SH3PXD2B: variants seen among roughly 807,000 people sequenced by gnomAD.
The protein encoded by SH3PXD2B is SH3 and PX domain-containing protein 2B.
SH3PXD2B carries 37 observed loss-of-function variants against 73.1 expected under a neutral mutation model. The ratio of observed to expected loss-of-function variants is 0.51; its 90% CI spans 0.39 to 0.67. The LOEUF is 0.67. Ranked by LOEUF, SH3PXD2B falls within the 30% of genes least tolerant of loss-of-function variation. The pLI, the probability that SH3PXD2B is intolerant of heterozygous loss-of-function variation, is 0.00. For missense variants in SH3PXD2B, 1,053 were observed against 1,197.8 expected, an observed-to-expected ratio of 0.88 and a Z score of 1.78; for synonymous variants, 457 against 480.5, an observed-to-expected ratio of 0.95 and a Z score of 0.64.
Position 172,350,693 on chromosome 5 carries a change from G to A in SH3PXD2B, c.786-104C>T, listed in dbSNP as rs543372673. On this transcript the variant is annotated intron_variant, in intron 9 of 12. Coordinates refer to ENST00000311601, the MANE Select transcript of SH3PXD2B (RefSeq NM_001017995.3). Reference sequence around the variant, plus strand: ...ATGACAGGTCCCAGGGAGCAGGAACGACGGGTTGTGACTGCCCAGGGCAAG... The same window carrying A: ...ATGACAGGTCCCAGGGAGCAGGAACAACGGGTTGTGACTGCCCAGGGCAAG... The A allele has an allele frequency of 1.3e-4, 140 of 1,087,544 alleles. No homozygotes were observed. The African/African-American group carries it at 1.5e-3, about 11-fold the overall frequency. The allele number at this position is 1,087,544 out of a possible 1,614,324, so 67.4% of individuals were successfully genotyped here. A position where few individuals can be genotyped will look rare whatever the true frequency, so the allele number is the denominator to read the frequency against.
chr5:172,454,291 G>A lies in SH3PXD2B; in HGVS notation c.62C>T (p.Pro21Leu). 1 of 1,595,882 alleles carries A rather than the reference G, an allele frequency of 6.3e-7. No individual in the cohort carries two copies. Among genetic ancestry groups the A allele is most frequent in the South Asian group, 1.1e-5 (1 of 89,964 alleles). Residue 21 changes from proline (P) to leucine (L), a missense_variant, in exon 1 of 13, where the codon CCC becomes CTC. Coordinates refer to ENST00000311601, the MANE Select transcript of SH3PXD2B (RefSeq NM_001017995.3). ...KVLDVQKRRV[P>L]NKHYVYIIRV... ...CGCCGCACTCACATAATGCTTGTTGGGCACCCGCCGCTTCTGCACGTCTAG... is the reference window on the plus strand; with the variant it reads ...CGCCGCACTCACATAATGCTTGTTGAGCACCCGCCGCTTCTGCACGTCTAG...
At chr5:172,409,879 C>T (rs1382765609) in intron 2 of SH3PXD2B, among the ~76,000 whole-genome samples, 1 of 152,122 alleles carries the variant, frequency 6.6e-6, no homozygotes, top group East Asian at 1.9e-4. Flanking sequence ...CCACACCTGG[C>T]TAATTTTTGT....
chr5:172,343,522 C>T (rs569424689), intron 12 of SH3PXD2B, among the ~76,000 whole-genome samples: 4 of 152,228 alleles, frequency 2.6e-5, no homozygotes, highest in East Asian at 1.9e-4. Context: ...GATCAGAAGC[C>T]GGGTGCGGTG....
At chr5:172,376,158 T>G (rs969565490) in intron 5 of SH3PXD2B, among the ~76,000 whole-genome samples, 1 of 151,998 alleles carries the variant, frequency 6.6e-6, no homozygotes, top group Non-Finnish European at 1.5e-5. Flanking sequence ...GCCTCCCATG[T>G]AGCTGGGATT....
chr5:172,364,827 T>C (rs537612841), intron 6 of SH3PXD2B, among the ~76,000 whole-genome samples: 1 of 152,098 alleles, frequency 6.6e-6, no homozygotes, highest in Non-Finnish European at 1.5e-5. Context: ...GGTGGGAGTA[T>C]TTACACCACA....
intron 2 of SH3PXD2B, among the ~76,000 whole-genome samples, chr5:172,408,175 T>C (rs933948427): frequency 1.3e-5 from 2 of 152,158 alleles, no homozygotes; most frequent in Non-Finnish European, 2.9e-5. Flanking sequence ...CTCTCTTTTT[T>C]CCCTTGGTCG....
At position 172,339,363 on chromosome 5, in the gene SH3PXD2B, T is replaced by C. The variant is rs753133269; in HGVS notation, c.1742A>G (p.Lys581Arg). Residue 581 changes from lysine (K) to arginine (R), a missense_variant, in exon 13 of 13, where the codon AAA (lysine) becomes AGA (arginine). By Grantham distance (26) the Lys-to-Arg change is conservative. Transcript: ENST00000311601. This position sits in a 1 kb window ranked among gnomAD's most constrained non-coding sequence, Gnocchi z 6.1. ...CTGGAACAGTCTGCTTTTGTCAGGTTTGGGCTCTGGCCTCCTGCTGTCCCG... is the reference window on the plus strand; with the variant it reads ...CTGGAACAGTCTGCTTTTGTCAGGTCTGGGCTCTGGCCTCCTGCTGTCCCG... Reference protein sequence around the residue: ...PARDSRRPEPKPDKSRLFQLK... With the variant: ...PARDSRRPEPRPDKSRLFQLK... The C allele has an allele frequency of 1.5e-5, 24 of 1,614,078 alleles. No individual in the cohort carries two copies. The highest frequency in any genetic ancestry group is 1.9e-5 in the Non-Finnish European group (23 of 1,180,038).
chr5:172,450,069 C>T (rs10051276), intron 1 of SH3PXD2B, among the ~76,000 whole-genome samples: 4,932 of 152,110 alleles, frequency 0.032, 262 homozygotes, highest in African/African-American at 0.1. Flanking sequence ...GGATTGATGG[C>T]AAATGGGCGT....
At chr5:172,355,004 A>G (rs925653231) in intron 8 of SH3PXD2B, among the ~76,000 whole-genome samples, 11 of 152,054 alleles carry the variant, frequency 7.2e-5, no homozygotes, top group Non-Finnish European at 1.6e-4. Context: ...TCCCACCCCC[A>G]GTGTTATCTG....
At chr5:172,413,014 T>C (rs1758736995) in intron 2 of SH3PXD2B, among the ~76,000 whole-genome samples, 1 of 152,242 alleles carries the variant, frequency 6.6e-6, no homozygotes, top group Admixed American at 6.5e-5. Flanking sequence ...CGAGACACGC[T>C]GTCCAAAGAA....
chr5:172,440,762 T>A (rs1276406654), intron 1 of SH3PXD2B, among the ~76,000 whole-genome samples: 1 of 151,980 alleles, frequency 6.6e-6, no homozygotes, highest in Non-Finnish European at 1.5e-5. Context: ...GGAAACCAAG[T>A]CTCAAGACAG....
intron 6 of SH3PXD2B, among the ~76,000 whole-genome samples, chr5:172,368,074 C>A (rs1248980769): frequency 6.6e-6 from 1 of 152,128 alleles, no homozygotes; most frequent in Admixed American, 6.5e-5. Context: ...CCAGTAGCAT[C>A]CTTGCCAGTC....
At chr5:172,329,545 T>TA (rs1422887005), downstream of SH3PXD2B, among the ~76,000 whole-genome samples, 1 of 134,382 alleles carries the variant, frequency 7.4e-6, no homozygotes, top group East Asian at 2.2e-4. Flanking sequence ...TTATTCTTTT[T>TA]TTTTTTTTTT....
At chr5:172,361,821 T>C (rs1757411046) in intron 7 of SH3PXD2B, among the ~76,000 whole-genome samples, 1 of 152,216 alleles carries the variant, frequency 6.6e-6, no homozygotes, top group African/African-American at 2.4e-5. Context: ...TCGTGACTAA[T>C]GCCACCACCA....
At chr5:172,377,561 C>T (rs926525748) in intron 5 of SH3PXD2B, among the ~76,000 whole-genome samples, 2 of 152,148 alleles carry the variant, frequency 1.3e-5, no homozygotes, top group Non-Finnish European at 2.9e-5. Flanking sequence ...CTTGCTTAGT[C>T]CTCACAACCA....
At chr5:172,384,982 T>C (rs1758027801) in intron 4 of SH3PXD2B, among the ~76,000 whole-genome samples, 1 of 152,228 alleles carries the variant, frequency 6.6e-6, no homozygotes, top group Admixed American at 6.5e-5. Flanking sequence ...GCTCCTGCTC[T>C]GCAGCAAATC....
chr5:172,356,234 G>T (rs559092325), intron 8 of SH3PXD2B, among the ~76,000 whole-genome samples: 1 of 152,184 alleles, frequency 6.6e-6, no homozygotes, highest in Non-Finnish European at 1.5e-5. Context: ...CATCATGAGA[G>T]AATGGTGCCA....
chr5:172,364,905 C>G (rs573515729), intron 6 of SH3PXD2B, among the ~76,000 whole-genome samples: 2 of 152,338 alleles, frequency 1.3e-5, no homozygotes, highest in African/African-American at 4.8e-5. Context: ...TCCACGAGCA[C>G]ACCACTGCAC....
chr5:172,338,891 A>G lies in SH3PXD2B; in HGVS notation c.2214T>C (p.Pro738=). ...GAGGAACAGGCACGCTCTTAGACAC[A>G]GGATCTGTGGTCTTGGCTGGCCTCG... ...APPRPAKTTD[P]VSKSVPVPLQ... The change falls in exon 13 of 13, where the codon CCT becomes CCC. Residue 738 remains proline (P), a synonymous_variant. Coordinates refer to ENST00000311601, the MANE Select transcript of SH3PXD2B (RefSeq NM_001017995.3). This position sits in a 1 kb window ranked among gnomAD's most constrained non-coding sequence, Gnocchi z 5.1. 6.2e-7 allele frequency: 1 copy of G among 1,613,764 alleles called. No homozygotes were observed.
Sources: gnomAD v4.1 joint callset for allele counts (sites outside exome capture counted in the v4.1 genomes callset) on GRCh38, gnomAD v4.1.1 for gene constraint, Gnocchi (gnomAD v3.1) non-coding constraint, MANE v1.5 for transcripts, NCBI Gene and HGNC (gene_info 2026-07-23, HGNC 2026-07-21) for gene names.